Variants in NHSL3 observed in about 807,000 individuals in gnomAD.
NHSL3 encodes the protein NHS-like protein 3.
chr1:32,742,013 G>C, the NHSL3 span: 2 of 1,230,398 alleles, frequency 1.6e-6, no homozygotes, highest in Admixed American at 4.0e-5. Flanking sequence ...AACCCGGGCG[G>C]CCCCCCGCGC....
At chr1:32,754,839 C>T in the NHSL3 span, among the ~76,000 whole-genome samples, 2 of 152,154 alleles carry the variant, frequency 1.3e-5, no homozygotes, top group South Asian at 4.1e-4. Flanking sequence ...TGGGGACCGC[C>T]TCCATCTGGC....
the NHSL3 span, chr1:32,772,883 C>A: frequency 1.2e-6 from 2 of 1,613,944 alleles, no homozygotes; most frequent in Admixed American, 3.3e-5. Flanking sequence ...AAAGAGCTGG[C>A]CTGACCACCA....
the NHSL3 span, chr1:32,765,538 C>T: frequency 5.6e-6 from 7 of 1,251,024 alleles, no homozygotes; most frequent in Non-Finnish European, 7.6e-6. Context: ...CCTTTCTGTG[C>T]CCCTGCACCC....
At chr1:32,758,944 A>G in the NHSL3 span, among the ~76,000 whole-genome samples, 1 of 152,104 alleles carries the variant, frequency 6.6e-6, no homozygotes, top group African/African-American at 2.4e-5. Context: ...CTAAGGAGAG[A>G]TAGGGAGCTG....
At chr1:32,749,701 A>G in the NHSL3 span, among the ~76,000 whole-genome samples, 1 of 152,118 alleles carries the variant, frequency 6.6e-6, no homozygotes, top group African/African-American at 2.4e-5. Flanking sequence ...AGCAAGGCCA[A>G]GGGAGTCTTC....
chr1:32,770,372 C>G, the NHSL3 span: 1 of 1,609,108 alleles, frequency 6.2e-7, no homozygotes. This position sits in a 1 kb window ranked among gnomAD's most constrained non-coding sequence, Gnocchi z 8.3. Flanking sequence ...CGCTTCTCCT[C>G]CGTCTCCAGC....
At chr1:32,764,376 C>T in the NHSL3 span, among the ~76,000 whole-genome samples, 1 of 152,074 alleles carries the variant, frequency 6.6e-6, no homozygotes, top group African/African-American at 2.4e-5. Context: ...AACTGGTGAA[C>T]AAGATAAAGT....
At chr1:32,753,314 G>A in the NHSL3 span, among the ~76,000 whole-genome samples, 1 of 151,434 alleles carries the variant, frequency 6.6e-6, no homozygotes, top group Non-Finnish European at 1.5e-5. Context: ...GTGAAACCCC[G>A]TCTCTACTAA....
chr1:32,752,098 T>C, the NHSL3 span, among the ~76,000 whole-genome samples: 1 of 152,232 alleles, frequency 6.6e-6, no homozygotes, highest in Non-Finnish European at 1.5e-5. Flanking sequence ...TTTTTCAGCT[T>C]TGACACTAGG....
At chr1:32,749,012 AAG>A in the NHSL3 span, among the ~76,000 whole-genome samples, 1 of 152,174 alleles carries the variant, frequency 6.6e-6, no homozygotes, top group South Asian at 2.1e-4. Flanking sequence ...CGGGATGAAT[AAG>A]AGAGACAAAG....
chr1:32,747,108 T>C, the NHSL3 span, among the ~76,000 whole-genome samples: 1 of 152,028 alleles, frequency 6.6e-6, no homozygotes, highest in African/African-American at 2.4e-5. Flanking sequence ...TGAGTTCTGC[T>C]CTGTTGTATG....
chr1:32,752,870 T>C, the NHSL3 span, among the ~76,000 whole-genome samples: 1 of 143,580 alleles, frequency 7.0e-6, no homozygotes, highest in Non-Finnish European at 1.5e-5. Flanking sequence ...TGAGCCACAA[T>C]GCCTGGCGTT....
At chr1:32,753,217 G>T in the NHSL3 span, among the ~76,000 whole-genome samples, 2 of 151,742 alleles carry the variant, frequency 1.3e-5, no homozygotes, top group Non-Finnish European at 2.9e-5. Context: ...GGGTGGTGTG[G>T]CTCACGCCTG....
chr1:32,748,543 C>A, the NHSL3 span, among the ~76,000 whole-genome samples: 1 of 152,132 alleles, frequency 6.6e-6, no homozygotes, highest in Non-Finnish European at 1.5e-5. Flanking sequence ...ACTTTGCTAT[C>A]CAGTGAACTC....
At chr1:32,742,431 G>A in the NHSL3 span, among the ~76,000 whole-genome samples, 1 of 152,262 alleles carries the variant, frequency 6.6e-6, no homozygotes, top group African/African-American at 2.4e-5. Context: ...GGGATCCCCT[G>A]GCAGAGCAGG....
the NHSL3 span, among the ~76,000 whole-genome samples, chr1:32,752,942 CACACACACATATATATATAT>C: frequency 0.32 from 7,380 of 22,916 alleles, 493 homozygotes; most frequent in Non-Finnish European, 0.36. Context: ...CACACACACA[CACACACACATATATATATAT>C]ATATATTTTG....
chr1:32,772,945 C>G, the NHSL3 span: 2 of 1,555,120 alleles, frequency 1.3e-6, no homozygotes, highest in South Asian at 1.1e-5. Flanking sequence ...CTCAGGGACC[C>G]GAGCAGCTCC....
At chr1:32,771,399 C>A in the NHSL3 span, 1 of 1,580,574 alleles carries the variant, frequency 6.3e-7, no homozygotes, top group Non-Finnish European at 8.6e-7. Flanking sequence ...ATCATCCACC[C>A]CCACCACCCA....
the NHSL3 span, chr1:32,771,446 C>T: frequency 6.3e-7 from 1 of 1,584,864 alleles, no homozygotes; most frequent in Admixed American, 1.7e-5. Context: ...GCACCATCTG[C>T]CTCAGAGACT....
Sources: allele counts gnomAD v4.1 joint callset (sites outside exome capture counted in the v4.1 genomes callset), GRCh38; gene constraint gnomAD v4.1.1; non-coding constraint Gnocchi (gnomAD v3.1); transcripts MANE v1.5; gene names NCBI Gene and HGNC (gene_info 2026-07-23, HGNC 2026-07-21).